Variants in EYA4 observed in about 807,000 individuals in gnomAD.
EYA4 encodes protein phosphatase EYA4.
EYA4 carries 31 observed loss-of-function variants against 87.9 expected under a neutral mutation model. The observed-to-expected ratio is 0.35, with a 90% CI of 0.27 to 0.48. The LOEUF is 0.48. Ranked by LOEUF, EYA4 falls within the 20% of genes least tolerant of loss-of-function variation. EYA4 has a pLI of 0.99. For synonymous variants in EYA4, 263 were observed against 270.6 expected, an observed-to-expected ratio of 0.97 and a Z score of 0.28; for missense variants, 678 against 761.4, an observed-to-expected ratio of 0.89 and a Z score of 1.29.
intron 5 of EYA4, among the ~76,000 whole-genome samples, chr6:133,450,438 CAAAAG>C (rs2128631332): frequency 6.6e-6 from 1 of 152,224 alleles, no homozygotes; most frequent in East Asian, 1.9e-4. Flanking sequence ...AAACAAAAGG[CAAAAG>C]AAAAGAACTA....
intron 2 of EYA4, among the ~76,000 whole-genome samples, chr6:133,330,437 C>T (rs1312815376): frequency 6.6e-6 from 1 of 151,664 alleles, no homozygotes; most frequent in Non-Finnish European, 1.5e-5. Context: ...CAGTACACTT[C>T]TTTATGGGAA....
At chr6:133,347,832 A>C (rs1783311896) in intron 2 of EYA4, among the ~76,000 whole-genome samples, 1 of 152,208 alleles carries the variant, frequency 6.6e-6, no homozygotes, top group African/African-American at 2.4e-5. Context: ...TGCATGTTTC[A>C]AACTTAATTG....
At chr6:133,434,256 A>C (rs1375066058) in intron 3 of EYA4, among the ~76,000 whole-genome samples, 4 of 152,136 alleles carry the variant, frequency 2.6e-5, no homozygotes, top group Non-Finnish European at 5.9e-5. Flanking sequence ...ACAATAAATG[A>C]ATTTTCTTGG....
intron 2 of EYA4, among the ~76,000 whole-genome samples, chr6:133,284,698 C>T (rs1777891441): frequency 6.6e-6 from 1 of 152,088 alleles, no homozygotes; most frequent in Admixed American, 6.6e-5. Context: ...ATTCTTAGTT[C>T]TTTTAAAACG....
At chr6:133,341,696 T>C (rs1308111900) in intron 2 of EYA4, among the ~76,000 whole-genome samples, 2 of 151,762 alleles carry the variant, frequency 1.3e-5, no homozygotes, top group Admixed American at 6.6e-5. Context: ...GAATAGCTAG[T>C]GGAGGGCAGG....
intron 2 of EYA4, among the ~76,000 whole-genome samples, chr6:133,357,067 C>T (rs922999296): frequency 7.9e-5 from 12 of 151,638 alleles, no homozygotes; most frequent in African/African-American, 1.9e-4. Context: ...GTCAGGAGAT[C>T]GAGACCATCC....
intron 2 of EYA4, among the ~76,000 whole-genome samples, chr6:133,280,083 A>T (rs1562241447): frequency 6.6e-6 from 1 of 152,346 alleles, no homozygotes; most frequent in East Asian, 1.9e-4. Context: ...GATCTAAACA[A>T]TGTTGGATTA....
intron 5 of EYA4, among the ~76,000 whole-genome samples, chr6:133,454,974 C>T (rs10872406): frequency 0.29 from 44,751 of 151,832 alleles, 6,845 homozygotes; most frequent in East Asian, 0.55. Flanking sequence ...GTCTCCTGCA[C>T]TGGAACTTAT....
chr6:133,392,858 C>T (rs1583157902), intron 3 of EYA4, among the ~76,000 whole-genome samples: 1 of 152,148 alleles, frequency 6.6e-6, no homozygotes, highest in African/African-American at 2.4e-5. Context: ...GTCAGCCTCT[C>T]CTACAGTAAA....
chr6:133,252,430 T>C (rs904198298), intron 1 of EYA4, among the ~76,000 whole-genome samples: 2 of 152,180 alleles, frequency 1.3e-5, no homozygotes, highest in African/African-American at 4.8e-5. Flanking sequence ...ATGTAAAAAC[T>C]CTCTTTTGTG....
chr6:133,276,554 T>A (rs192337534), intron 2 of EYA4, among the ~76,000 whole-genome samples: 1 of 152,338 alleles, frequency 6.6e-6, no homozygotes, highest in African/African-American at 2.4e-5. Context: ...TATTTTAAGG[T>A]CATGGAGCTC....
At chr6:133,369,834 AG>A (rs886284577) in intron 2 of EYA4, among the ~76,000 whole-genome samples, 3 of 152,332 alleles carry the variant, frequency 2.0e-5, no homozygotes, top group African/African-American at 7.2e-5. Flanking sequence ...TCACCATGAC[AG>A]CAGGTTGCTA....
At chr6:133,299,923 A>T (rs1306825876) in intron 2 of EYA4, among the ~76,000 whole-genome samples, 1 of 110,766 alleles carries the variant, frequency 9.0e-6, no homozygotes, top group Non-Finnish European at 1.8e-5. Context: ...ATATATAAAG[A>T]TCTCTATCTA....
intron 13 of EYA4, among the ~76,000 whole-genome samples, chr6:133,485,933 CA>C (rs1376955893): frequency 6.6e-6 from 1 of 152,144 alleles, no homozygotes; most frequent in Non-Finnish European, 1.5e-5. Context: ...TGGTGAAAGG[CA>C]AAAGCTTTTG....
chr6:133,456,613 C>T lies in EYA4; in HGVS notation c.335C>T (p.Thr112Ile). 6.2e-7 allele frequency: 1 copy of T among 1,613,616 alleles called. No homozygotes were observed. Among genetic ancestry groups the T allele is most frequent in the Non-Finnish European group, 8.5e-7 (1 of 1,179,612 alleles). ...AACAGCAGTGAAACCACAGCCACGA[C>T]TGGAGATGGAGCGCTTGACACTTTT... is the stretch of plus-strand genomic sequence containing the variant. ...PLNSSETTAT[T>I]GDGALDTFTG... The change falls in exon 6 of 20, where the codon ACT becomes ATT. Residue 112 changes from threonine to isoleucine, a missense_variant. Thr to Ile is a moderately conservative substitution (Grantham distance 89). Coordinates refer to ENST00000355286, the MANE Select transcript of EYA4 (RefSeq NM_004100.5).
intron 2 of EYA4, among the ~76,000 whole-genome samples, chr6:133,324,805 G>A (rs1053821597): frequency 2.6e-5 from 4 of 151,672 alleles, no homozygotes; most frequent in Non-Finnish European, 5.9e-5. Context: ...CTTTTCATTG[G>A]GAAATTGGTA....
At chr6:133,269,443 A>C (rs1350170301) in intron 1 of EYA4, among the ~76,000 whole-genome samples, 1 of 152,202 alleles carries the variant, frequency 6.6e-6, no homozygotes, top group Admixed American at 6.5e-5. Context: ...TGAAACTGTC[A>C]CATTATATAC....
chr6:133,531,179 ACAC>A lies in EYA4; in HGVS notation c.*2375_*2377del. ...TGCATCACCCCGTGCAGTTTCTCAC[ACAC>A]ATCTCTTTTTCTGATTCTGTGTTCA... On this transcript the variant is annotated 3_prime_UTR_variant, in exon 20 of 20. Transcript: ENST00000355286. The A allele has an allele frequency of 6.5e-7, 1 of 1,535,084 alleles. No individual in the cohort carries two copies. Among genetic ancestry groups the A allele is most frequent in the Non-Finnish European group, 8.7e-7 (1 of 1,146,750 alleles).
At chr6:133,353,449 TATAG>T (rs1343963047) in intron 2 of EYA4, among the ~76,000 whole-genome samples, 1 of 152,164 alleles carries the variant, frequency 6.6e-6, no homozygotes. Flanking sequence ...CTGGCTTACA[TATAG>T]ATATTTTTTG....
Sources: allele counts gnomAD v4.1 joint callset (sites outside exome capture counted in the v4.1 genomes callset), GRCh38; gene constraint gnomAD v4.1.1; transcripts MANE v1.5; gene names NCBI Gene and HGNC (gene_info 2026-07-23, HGNC 2026-07-21).